VPS13A: variants seen among roughly 807,000 people sequenced by gnomAD.
VPS13A encodes vacuolar protein sorting 13 homolog A, also known as intermembrane lipid transfer protein VPS13A.
VPS13A carries 264 observed loss-of-function variants against 390.9 expected under a neutral mutation model. That is an observed-to-expected ratio of 0.68 (90% CI 0.61 to 0.75). VPS13A has a LOEUF of 0.75. Ranked by LOEUF, VPS13A falls within the 30% of genes least tolerant of loss-of-function variation. The probability of loss-of-function intolerance (pLI) is 0.00; values close to 1 mark genes in which losing one functional copy is unlikely to be tolerated. For missense variants in VPS13A, 3,409 were observed against 3,733.9 expected, an observed-to-expected ratio of 0.91 and a Z score of 2.27; for synonymous variants, 1,231 against 1,227.1, an observed-to-expected ratio of 1.00 and a Z score of -0.07.
intron 35 of VPS13A, among the ~76,000 whole-genome samples, chr9:77,310,354 A>G (rs1013789305): frequency 3.3e-5 from 5 of 152,252 alleles, no homozygotes; most frequent in Admixed American, 1.3e-4. Context: ...CATATGGAAG[A>G]ATGTCTTATA....
chr9:77,207,289 TATAAC>T (rs1291166175), intron 5 of VPS13A, among the ~76,000 whole-genome samples: 110 of 124,998 alleles, frequency 8.8e-4, no homozygotes, highest in African/African-American at 2.8e-3. Context: ...GCATATTATC[TATAAC>T]ATAACATATT....
intron 61 of VPS13A, among the ~76,000 whole-genome samples, chr9:77,367,246 G>A (rs1266676416): frequency 3.3e-5 from 5 of 152,124 alleles, no homozygotes; most frequent in African/African-American, 1.2e-4. Context: ...AGAACAGAAT[G>A]AATGCGATAA....
chr9:77,382,331 CA>C (rs768747488), intron 68 of VPS13A: 2 of 1,538,818 alleles, frequency 1.3e-6, no homozygotes, highest in South Asian at 1.3e-5. Flanking sequence ...AAGTGAAAGC[CA>C]ACAGTAGATT....
chr9:77,242,959 T>C (rs1445919791), intron 19 of VPS13A, among the ~76,000 whole-genome samples: 1 of 151,950 alleles, frequency 6.6e-6, no homozygotes, highest in Non-Finnish European at 1.5e-5. Context: ...GCTAATTCTA[T>C]GAAAAAAAAT....
At chr9:77,257,829 G>GC (rs1216102787) in intron 22 of VPS13A, among the ~76,000 whole-genome samples, 2 of 151,956 alleles carry the variant, frequency 1.3e-5, no homozygotes, top group South Asian at 2.1e-4. Context: ...TTCCTGTTTT[G>GC]CCCCCTCCAG....
chr9:77,359,489 G>A, intron 58 of VPS13A, 87 bp downstream of exon 58: 2 of 1,163,966 alleles, frequency 1.7e-6, no homozygotes, highest in Admixed American at 4.2e-5. Flanking sequence ...TGTTGGACAA[G>A]TCAAAGATTT....
chr9:77,351,349 C>T lies in VPS13A; in HGVS notation c.7322C>T (p.Pro2441Leu). 1.2e-6 allele frequency: 2 copies of T among 1,613,772 alleles called. No individual in the cohort carries two copies. The highest frequency in any genetic ancestry group is 1.7e-6 in the Non-Finnish European group (2 of 1,179,824). ...AGTGAAATAGAAGATTCCCTCCCTCCTGGTAAAGCCGTGTTTTATACATGG... is the reference window on the plus strand; with the variant it reads ...AGTGAAATAGAAGATTCCCTCCCTCTTGGTAAAGCCGTGTTTTATACATGG... ...SLSEIEDSLPPGKAVFYTWAD... is the reference protein window; with the variant it reads ...SLSEIEDSLPLGKAVFYTWAD... Residue 2441 changes from proline (P) to leucine (L), a missense_variant, in exon 53 of 72, where the codon CCT (proline) becomes CTT (leucine). By Grantham distance (98) the Pro-to-Leu change is moderately conservative. Transcript: ENST00000360280.
intron 53 of VPS13A, among the ~76,000 whole-genome samples, chr9:77,351,804 G>A (rs978775397): frequency 2.0e-5 from 3 of 152,056 alleles, no homozygotes; most frequent in Admixed American, 1.3e-4. Context: ...GGGAGGCAGC[G>A]ATTGCAGTGA....
At chr9:77,196,570 A>G (rs1258684368) in intron 1 of VPS13A, among the ~76,000 whole-genome samples, 1 of 152,084 alleles carries the variant, frequency 6.6e-6, no homozygotes, top group Admixed American at 6.6e-5. Flanking sequence ...CACACGTGAA[A>G]TCATGCAGTA....
At position 77,344,357 on chromosome 9, in the gene VPS13A, G is replaced by A. The variant is rs1336315495; in HGVS notation, c.7155+76G>A. On this transcript the variant is annotated intron_variant, in intron 51 of 71. Transcript: ENST00000360280. Reference sequence around the variant, plus strand: ...CTGACTAGTATTGTATTTATTTTTTGTATCAAATAATTACTTCTGTTGATT... The same window carrying A: ...CTGACTAGTATTGTATTTATTTTTTATATCAAATAATTACTTCTGTTGATT... The A allele has an allele frequency of 1.4e-5, 21 of 1,467,616 alleles. No homozygotes were observed. In the South Asian group the frequency reaches 2.0e-4, roughly 14 times the overall value. The allele number at this position is 1,467,616 out of a possible 1,614,324, so 90.9% of individuals were successfully genotyped here.
intron 34 of VPS13A, among the ~76,000 whole-genome samples, chr9:77,307,204 C>A (rs968888022): frequency 1.3e-5 from 2 of 152,268 alleles, no homozygotes; most frequent in Middle Eastern, 6.8e-3. Flanking sequence ...CACACCTGGC[C>A]TGAAATTATT....
chr9:77,355,941 CCA>C (rs1831752358), intron 54 of VPS13A, among the ~76,000 whole-genome samples: 1 of 152,148 alleles, frequency 6.6e-6, no homozygotes, highest in African/African-American at 2.4e-5. Flanking sequence ...AATCTTGACT[CCA>C]CTCTTTTTTC....
intron 6 of VPS13A, 57 bp downstream of exon 6, chr9:77,209,589 A>G (rs921280658): frequency 2.6e-5 from 28 of 1,093,960 alleles, no homozygotes; most frequent in Middle Eastern, 5.8e-4. Flanking sequence ...TTATTTTACT[A>G]TTTAATGACA....
intron 17 of VPS13A, among the ~76,000 whole-genome samples, chr9:77,235,403 A>T (rs1824086914): frequency 6.6e-6 from 1 of 152,128 alleles, no homozygotes; most frequent in Non-Finnish European, 1.5e-5. Flanking sequence ...TCTGAGGAGA[A>T]ATTAGCTGTT....
intron 46 of VPS13A, among the ~76,000 whole-genome samples, chr9:77,333,574 G>A (rs1830391853): frequency 2.6e-5 from 4 of 151,598 alleles, no homozygotes; most frequent in Middle Eastern, 3.4e-3. Context: ...GCCACCATGC[G>A]CAGCTAATTT....
At chr9:77,272,250 G>T (rs1317363703) in intron 23 of VPS13A, among the ~76,000 whole-genome samples, 9 of 152,162 alleles carry the variant, frequency 5.9e-5, no homozygotes, top group African/African-American at 2.2e-4. Context: ...TGAGGATATG[G>T]AGAGATAGAA....
chr9:77,316,714 C>CTT, intron 39 of VPS13A, among the ~76,000 whole-genome samples: 1 of 152,118 alleles, frequency 6.6e-6, no homozygotes, highest in Admixed American at 6.5e-5. Context: ...GCTCTTTGGA[C>CTT]TTTTAAGACT....
intron 34 of VPS13A, 84 bp downstream of exon 34, chr9:77,303,146 A>G: frequency 3.6e-6 from 5 of 1,385,804 alleles, no homozygotes; most frequent in Non-Finnish European, 5.1e-6. Flanking sequence ...TTTGAGTGGA[A>G]TTTGTATATA....
intron 22 of VPS13A, among the ~76,000 whole-genome samples, chr9:77,253,966 A>G (rs1223690308): frequency 1.0e-5 from 1 of 97,096 alleles, no homozygotes; most frequent in African/African-American, 4.4e-5. Context: ...TTTTTTTGAG[A>G]CAGAGTCTCG....
Sources: allele counts gnomAD v4.1 joint callset (sites outside exome capture counted in the v4.1 genomes callset), GRCh38; gene constraint gnomAD v4.1.1; transcripts MANE v1.5; gene names NCBI Gene and HGNC (gene_info 2026-07-23, HGNC 2026-07-21).